Variants in IL34 observed in about 807,000 individuals in gnomAD.
IL34 encodes the protein interleukin 34.
Under a neutral mutation model 25.3 loss-of-function variants are expected in IL34, and 17 were observed. That is an observed-to-expected ratio of 0.67 (90% CI 0.46 to 1.01). The LOEUF (loss-of-function observed/expected upper bound fraction) is 1.01. Among genes scored for constraint, IL34 ranks in the 50% least tolerant of loss-of-function variants. The probability of loss-of-function intolerance (pLI) is 0.00; values close to 1 mark genes in which losing one functional copy is unlikely to be tolerated. For missense variants in IL34, 368 were observed against 312.9 expected, an observed-to-expected ratio of 1.18 and a Z score of -1.33; for synonymous variants, 174 against 140.9, an observed-to-expected ratio of 1.23 and a Z score of -1.66.
At chr16:70,603,060 A>G (rs1006154112) in intron 1 of IL34, among the ~76,000 whole-genome samples, 7 of 151,936 alleles carry the variant, frequency 4.6e-5, no homozygotes, top group African/African-American at 1.7e-4. Flanking sequence ...TTCCGTGAGC[A>G]TCTCCTATGT....
chr16:70,640,130 TTTTTG>T (rs975343273), intron 1 of IL34, among the ~76,000 whole-genome samples: 32 of 152,238 alleles, frequency 2.1e-4, no homozygotes, highest in African/African-American at 7.5e-4. Flanking sequence ...TGTGCTAGAC[TTTTTG>T]TTTTGTTTTC....
At chr16:70,622,188 A>G (rs367883919) in intron 1 of IL34, among the ~76,000 whole-genome samples, 2 of 152,134 alleles carry the variant, frequency 1.3e-5, no homozygotes, top group African/African-American at 2.4e-5. Flanking sequence ...CAAAAGGGAA[A>G]AAATGACTGT....
At position 70,647,802 on chromosome 16, in the gene IL34, A is replaced by G. The variant is rs2051977571; in HGVS notation, c.28+827A>G. ...GGTCCACCCTGGCCCTTGTGGAAATATACAACAAAGGGTTGGGACATTAAG... is the reference window on the plus strand; with the variant it reads ...GGTCCACCCTGGCCCTTGTGGAAATGTACAACAAAGGGTTGGGACATTAAG... On this transcript the variant is annotated intron_variant, in intron 1 of 5. Coordinates refer to ENST00000288098, the MANE Select transcript of IL34 (RefSeq NM_001393494.1). Among the ~76,000 whole-genome samples the G allele has an allele frequency of 2.6e-5, 4 of 152,324 alleles. No homozygotes were observed. The South Asian group carries it at 8.3e-4, about 32-fold the overall frequency.
At chr16:70,657,515 C>T (rs1042562382) in intron 4 of IL34, among the ~76,000 whole-genome samples, 8 of 152,068 alleles carry the variant, frequency 5.3e-5, no homozygotes, top group Admixed American at 2.0e-4. Context: ...TGCTGCAGGC[C>T]GGGCGCGGCG....
intron 1 of IL34, among the ~76,000 whole-genome samples, chr16:70,586,538 A>G (rs1345811054): frequency 6.6e-6 from 1 of 152,200 alleles, no homozygotes; most frequent in Non-Finnish European, 1.5e-5. Flanking sequence ...CCTGGGTGAC[A>G]GAGCAAGACC....
intron 1 of IL34, among the ~76,000 whole-genome samples, chr16:70,607,690 G>A (rs565635695): frequency 2.6e-5 from 4 of 152,078 alleles, no homozygotes; most frequent in Admixed American, 2.6e-4. Context: ...TTTTTATTGG[G>A]GATAAATGTT....
chr16:70,652,060 G>A (rs1283286348), intron 1 of IL34, among the ~76,000 whole-genome samples: 4 of 151,750 alleles, frequency 2.6e-5, no homozygotes, highest in African/African-American at 7.3e-5. Context: ...CCCAGGAAGC[G>A]GAGGTTGCAG....
intron 2 of IL34, among the ~76,000 whole-genome samples, chr16:70,656,160 G>T (rs1464626420): frequency 3.3e-5 from 5 of 152,146 alleles, no homozygotes; most frequent in Non-Finnish European, 7.3e-5. Context: ...TTTTATCCCA[G>T]CTGGGAGCCA....
intron 1 of IL34, among the ~76,000 whole-genome samples, chr16:70,622,197 G>A (rs1171413436): frequency 6.6e-6 from 1 of 152,088 alleles, no homozygotes; most frequent in Non-Finnish European, 1.5e-5. Context: ...AAAAATGACT[G>A]TGGTGGCCTT....
chr16:70,626,642 C>T (rs8053688), intron 1 of IL34, among the ~76,000 whole-genome samples: 4,432 of 152,126 alleles, frequency 0.029, 168 homozygotes, highest in African/African-American at 0.083. Flanking sequence ...GTGATCTGCC[C>T]ACCTCAGCCT....
Position 70,656,613 on chromosome 16 carries a change from C to A in IL34, c.174C>A (p.Phe58Leu). ...TTGTGCCTCTCCAGAAACACTACTT[C>A]CCCATCAACTACAAGATCAGTGTGC... ...RSRLQYMKHY[F>L]PINYKISVPY... Residue 58 changes from phenylalanine (F) to leucine (L), a missense_variant, in exon 3 of 6, where the codon TTC becomes TTA. Transcript: ENST00000288098. 7.3e-7 allele frequency: 1 copy of A among 1,369,232 alleles called. No individual in the cohort carries two copies. The highest frequency in any genetic ancestry group is 1.0e-6 in the Non-Finnish European group (1 of 956,144). 84.8% of individuals were successfully genotyped at this position (1,369,232 alleles called of 1,614,324 possible).
intron 1 of IL34, among the ~76,000 whole-genome samples, chr16:70,604,132 T>C (rs35921615): frequency 0.062 from 9,456 of 152,230 alleles, 428 homozygotes; most frequent in East Asian, 0.13. Context: ...CTTTGGAAGA[T>C]ATAACAGCAA....
At chr16:70,599,413 A>G (rs1207003816) in intron 1 of IL34, among the ~76,000 whole-genome samples, 1 of 143,794 alleles carries the variant, frequency 7.0e-6, no homozygotes, top group African/African-American at 2.6e-5. Context: ...ACAAATTCTC[A>G]TGGTGAGATC....
chr16:70,654,742 A>G, intron 2 of IL34, 71 bp downstream of exon 2: 2 of 1,512,768 alleles, frequency 1.3e-6, no homozygotes, highest in Admixed American at 2.0e-5. Context: ...GCCTCTGGAC[A>G]TTCAGAGCCC....
chr16:70,583,896 C>T (rs1041119600), intron 1 of IL34, among the ~76,000 whole-genome samples: 1 of 152,176 alleles, frequency 6.6e-6, no homozygotes, highest in Non-Finnish European at 1.5e-5. Context: ...AAGCGATCCA[C>T]CCACCTCGAC....
At chr16:70,648,293 C>G (rs557683916) in intron 1 of IL34, among the ~76,000 whole-genome samples, 4 of 152,214 alleles carry the variant, frequency 2.6e-5, no homozygotes, top group Non-Finnish European at 4.4e-5. Context: ...TGGTGGCTCA[C>G]GCCCGTGATC....
intron 2 of IL34, among the ~76,000 whole-genome samples, chr16:70,654,951 G>A (rs779615712): frequency 1.1e-4 from 16 of 152,212 alleles, no homozygotes; most frequent in Non-Finnish European, 2.4e-4. Context: ...GACACCTGGA[G>A]CTCTTTGACA....
At chr16:70,626,886 ATT>A (rs2051405668) in intron 1 of IL34, among the ~76,000 whole-genome samples, 1 of 152,054 alleles carries the variant, frequency 6.6e-6, no homozygotes, top group Non-Finnish European at 1.5e-5. Flanking sequence ...CTCTGTATGT[ATT>A]TGAGTCTATT....
intron 1 of IL34, among the ~76,000 whole-genome samples, chr16:70,610,929 C>T (rs1484112415): frequency 6.6e-6 from 1 of 151,832 alleles, no homozygotes; most frequent in Non-Finnish European, 1.5e-5. Flanking sequence ...GCGTTCTTTC[C>T]CCCCCTTCCA....
Sources: allele counts gnomAD v4.1 joint callset (sites outside exome capture counted in the v4.1 genomes callset), GRCh38; gene constraint gnomAD v4.1.1; transcripts MANE v1.5; gene names NCBI Gene and HGNC (gene_info 2026-07-23, HGNC 2026-07-21).